The following PRKD1 variants were observed in gnomAD, a reference collection of about 807,000 sequenced individuals.
The protein encoded by PRKD1 is protein kinase D1, also known as serine/threonine-protein kinase D1.
Under a neutral mutation model 95.9 loss-of-function variants are expected in PRKD1, and 63 were observed. The observed-to-expected ratio is 0.66, with a 90% CI of 0.54 to 0.81. The LOEUF is 0.81. PRKD1 is among the 30% of genes least tolerant of loss of function. The probability of loss-of-function intolerance (pLI) is 0.00; values close to 1 mark genes in which losing one functional copy is unlikely to be tolerated. For synonymous variants in PRKD1, 425 were observed against 423.1 expected, an observed-to-expected ratio of 1.00 and a Z score of -0.05; for missense variants, 1,048 against 1,165.3, an observed-to-expected ratio of 0.90 and a Z score of 1.47.
At chr14:29,629,990 CTT>C (rs1759940339) in intron 10 of PRKD1, among the ~76,000 whole-genome samples, 2 of 44,230 alleles carry the variant, frequency 4.5e-5, no homozygotes, top group Non-Finnish European at 1.9e-4. Flanking sequence ...TCCTCCTCCT[CTT>C]CTTCTTCTTC....
chr14:29,654,873 A>G (rs2139187638), intron 4 of PRKD1, among the ~76,000 whole-genome samples: 1 of 152,350 alleles, frequency 6.6e-6, no homozygotes, highest in South Asian at 2.1e-4. Flanking sequence ...TTCATGCATC[A>G]GTTTCTTCCA....
chr14:29,794,543 T>G (rs1889723890), intron 1 of PRKD1, among the ~76,000 whole-genome samples: 1 of 152,288 alleles, frequency 6.6e-6, no homozygotes, highest in Admixed American at 6.5e-5. Flanking sequence ...TGTACATTCC[T>G]AATGAATATA....
chr14:29,908,564 C>T (rs902011991), intron 1 of PRKD1, among the ~76,000 whole-genome samples: 22 of 152,168 alleles, frequency 1.4e-4, no homozygotes, highest in African/African-American at 3.1e-4. Context: ...GGATTACAGG[C>T]GTGAGCCACC....
intron 1 of PRKD1, among the ~76,000 whole-genome samples, chr14:29,835,724 C>A (rs1167386762): frequency 1.3e-5 from 2 of 152,210 alleles, no homozygotes. Context: ...GCACACGCCA[C>A]CACACCCAGC....
chr14:29,675,171 A>G (rs990104166), intron 2 of PRKD1, among the ~76,000 whole-genome samples: 6 of 152,234 alleles, frequency 3.9e-5, no homozygotes, highest in African/African-American at 1.4e-4. Context: ...TCATGACTTC[A>G]TGAAGCCGAC....
chr14:29,921,012 G>A (rs1326153304), intron 1 of PRKD1, among the ~76,000 whole-genome samples: 2 of 152,068 alleles, frequency 1.3e-5, no homozygotes, highest in African/African-American at 2.4e-5. Context: ...TTAAATTTTG[G>A]TCTTGAGAAC....
chr14:29,901,938 A>C (rs1272921357), intron 1 of PRKD1, among the ~76,000 whole-genome samples: 1 of 152,212 alleles, frequency 6.6e-6, no homozygotes, highest in Non-Finnish European at 1.5e-5. Flanking sequence ...TGTACCTCCA[A>C]AGCTTAGAAC....
At chr14:29,923,722 A>C (rs1422349450) in intron 1 of PRKD1, among the ~76,000 whole-genome samples, 2 of 151,674 alleles carry the variant, frequency 1.3e-5, no homozygotes, top group Non-Finnish European at 2.9e-5. Flanking sequence ...GTAAAATATC[A>C]GTTGCCTTTC....
At chr14:29,763,033 T>C (rs1313362590) in intron 1 of PRKD1, among the ~76,000 whole-genome samples, 1 of 147,570 alleles carries the variant, frequency 6.8e-6, no homozygotes, top group African/African-American at 2.5e-5. Context: ...CATGAGCCAC[T>C]GCACCCAGCC....
intron 16 of PRKD1, chr14:29,594,278 G>GA (rs972437178): frequency 1.3e-3 from 376 of 294,134 alleles, no homozygotes; most frequent in East Asian, 3.9e-3. Context: ...TTCATGCCAG[G>GA]AAAAAAAAAT....
At chr14:29,913,441 G>C (rs561107326) in intron 1 of PRKD1, among the ~76,000 whole-genome samples, 2 of 152,246 alleles carry the variant, frequency 1.3e-5, no homozygotes, top group Admixed American at 1.3e-4. Context: ...CTGGACAACA[G>C]AGCATATGGT....
At chr14:29,895,572 G>A (rs548118551) in intron 1 of PRKD1, among the ~76,000 whole-genome samples, 14 of 152,084 alleles carry the variant, frequency 9.2e-5, no homozygotes, top group Non-Finnish European at 1.5e-4. Context: ...AGTCTCATTC[G>A]GAGGGAAAGG....
intron 10 of PRKD1, among the ~76,000 whole-genome samples, chr14:29,630,405 C>T (rs1879919274): frequency 6.6e-6 from 1 of 152,120 alleles, no homozygotes. Context: ...TCCCTAAGAG[C>T]TGGGTTTAGA....
chr14:29,768,392 G>T (rs548258755), intron 1 of PRKD1, among the ~76,000 whole-genome samples: 1 of 152,170 alleles, frequency 6.6e-6, no homozygotes, highest in South Asian at 2.1e-4. Context: ...TTAATCACTG[G>T]TACTTTGGTA....
At position 29,845,961 on chromosome 14, in the gene PRKD1, C is replaced by T. The variant is rs977218788; in HGVS notation, c.264+81288G>A. On this transcript the variant is annotated intron_variant, in intron 1 of 17. Transcript: ENST00000331968. ...AATAACAGCTCAGGAGTTTATCTTA[C>T]CATATTAAATACAGGCATCAATTGT... is the stretch of plus-strand genomic sequence containing the variant. Among the ~76,000 whole-genome samples, 4 of 152,006 alleles carry T rather than the reference C, an allele frequency of 2.6e-5. No individual in the cohort carries two copies. The South Asian group carries it at 8.3e-4, about 32-fold the overall frequency.
rs747383055 is a variant in PRKD1 at position 29,636,475 on chromosome 14, T to C, written c.1005A>G (p.Ala335=). 1.2e-6 allele frequency: 2 copies of C among 1,614,172 alleles called. No individual in the cohort carries two copies. Among genetic ancestry groups the C allele is most frequent in the Admixed American group, 3.3e-5 (2 of 60,014 alleles). ...CTTCTTCCATGACCACATCAGACTC[T>C]GCCCCAGGGCTAAGCAAATCTAGAA... ...TINGDLLSPG[A]ESDVVMEEGS... Residue 335 remains alanine (A), a synonymous_variant, in exon 7 of 18, where the codon GCA becomes GCG. Transcript: ENST00000331968.
Position 29,609,717 on chromosome 14 carries a change from T to TTA in PRKD1, c.1906-9901_1906-9900insTA, listed in dbSNP as rs1555327796. On this transcript the variant is annotated intron_variant, in intron 13 of 17. Coordinates refer to ENST00000331968, the MANE Select transcript of PRKD1 (RefSeq NM_002742.3). ...CACCACGCCCAGCTATTTCTTTATT[T>TTA]TTTTTTTTTTTTTGTACTTTTAGTA... Among the ~76,000 whole-genome samples, 521 of 106,882 alleles carry TTA rather than the reference T, an allele frequency of 4.9e-3. 17 individuals are homozygous for TTA. Among genetic ancestry groups the TTA allele is most frequent in the Admixed American group, 0.041 (460 of 11,128 alleles). The allele number at this position is 106,882 out of a possible 152,430, so 70.1% of individuals were successfully genotyped here.
intron 4 of PRKD1, among the ~76,000 whole-genome samples, chr14:29,648,755 T>C (rs111966372): frequency 0.022 from 3,337 of 152,202 alleles, 109 homozygotes; most frequent in African/African-American, 0.071. Flanking sequence ...CCTGGGTTCA[T>C]GCCATTCTCC....
chr14:29,701,575 CCTTA>C (rs569215174), intron 2 of PRKD1, among the ~76,000 whole-genome samples: 207 of 152,222 alleles, frequency 1.4e-3, no homozygotes, highest in Non-Finnish European at 2.1e-3. Flanking sequence ...ATTCTGAATT[CCTTA>C]CTTTTACTTG....
Sources: allele counts gnomAD v4.1 joint callset (sites outside exome capture counted in the v4.1 genomes callset), GRCh38; gene constraint gnomAD v4.1.1; transcripts MANE v1.5; gene names NCBI Gene and HGNC (gene_info 2026-07-23, HGNC 2026-07-21).